The following MAML2 variants were observed in gnomAD, a reference collection of about 807,000 sequenced individuals.
MAML2 encodes mastermind like transcriptional coactivator 2, also known as mastermind-like protein 2.
A neutral mutation model predicts 96.1 loss-of-function variants in MAML2; 22 were observed. That is an observed-to-expected ratio of 0.23 (90% confidence interval 0.16 to 0.33). The LOEUF is 0.33. MAML2 is among the 10% of genes least tolerant of loss of function. The pLI, the probability that MAML2 is intolerant of heterozygous loss-of-function variation, is 1.00. For missense variants in MAML2, 1,367 were observed against 1,392.4 expected, an observed-to-expected ratio of 0.98 and a Z score of 0.29; for synonymous variants, 561 against 521.3, an observed-to-expected ratio of 1.08 and a Z score of -1.04.
chr11:96,040,357 A>T (rs1858788375), intron 2 of MAML2, among the ~76,000 whole-genome samples: 1 of 152,232 alleles, frequency 6.6e-6, no homozygotes, highest in Non-Finnish European at 1.5e-5. Context: ...ATTGCAGTAT[A>T]ATACACACAC....
At chr11:95,991,409 A>T (rs995954567) in intron 3 of MAML2, 111 bp downstream of exon 3, 3 of 988,066 alleles carry the variant, frequency 3.0e-6, no homozygotes, top group African/African-American at 1.6e-5. Context: ...TACAGTCAGC[A>T]CACCTTTGTT....
At chr11:96,018,086 G>A (rs1367246532) in intron 2 of MAML2, among the ~76,000 whole-genome samples, 2 of 152,206 alleles carry the variant, frequency 1.3e-5, no homozygotes, top group Non-Finnish European at 2.9e-5. Context: ...GCAGTGGGAA[G>A]TGGCTGGATT....
Position 96,093,420 on chromosome 11 carries a change from T to C in MAML2, c.611A>G (p.Lys204Arg), listed in dbSNP as rs1458872644. 6.2e-7 allele frequency: 1 copy of C among 1,614,054 alleles called. No individual in the cohort carries two copies. Among genetic ancestry groups the C allele is most frequent in the South Asian group, 1.1e-5 (1 of 91,086 alleles). ...GAGATTCTCCCCAACACGAATTCTTTTGATATCAAGAAATGAGTTGTCCAC... is the reference window on the plus strand; with the variant it reads ...GAGATTCTCCCCAACACGAATTCTTCTGATATCAAGAAATGAGTTGTCCAC... ...GFVDNSFLDIKRIRVGENLSA... is the reference protein window; with the variant it reads ...GFVDNSFLDIRRIRVGENLSA... Residue 204 changes from lysine (K) to arginine (R), a missense_variant, in exon 2 of 5, where the codon AAA becomes AGA. Transcript: ENST00000524717.
rs56860340 is a variant in MAML2 at position 96,155,509 on chromosome 11, A to AATAT, written c.514-61996_514-61993dup. 7.4e-3 allele frequency among the ~76,000 whole-genome samples: 554 copies of AATAT among 74,672 alleles called. 16 individuals are homozygous for AATAT. Among genetic ancestry groups the AATAT allele is most frequent in the African/African-American group, 0.012 (201 of 16,474 alleles). The allele number at this position is 74,672 out of a possible 152,430, so 49.0% of individuals were successfully genotyped here. A position where few individuals can be genotyped will look rare whatever the true frequency, so the allele number is the denominator to read the frequency against. On this transcript the variant is annotated intron_variant, in intron 1 of 4. Transcript: ENST00000524717. The stretch of plus-strand genomic sequence containing the variant: ...ACCTCATGGGCGCTGTAACAATTCA[A>AATAT]ATATATATATATATATATATATATA...
At chr11:96,180,943 C>T (rs1042364635) in intron 1 of MAML2, among the ~76,000 whole-genome samples, 3 of 145,342 alleles carry the variant, frequency 2.1e-5, no homozygotes, top group African/African-American at 7.7e-5. Context: ...GTGGGGGTCA[C>T]AAGGTGCTCA....
At chr11:96,050,929 A>G (rs957144259) in intron 2 of MAML2, among the ~76,000 whole-genome samples, 2 of 152,222 alleles carry the variant, frequency 1.3e-5, no homozygotes, top group Non-Finnish European at 2.9e-5. Flanking sequence ...CTGGCAAGCT[A>G]TAGTTCTGAT....
chr11:96,106,936 T>C (rs1453924503), intron 1 of MAML2, among the ~76,000 whole-genome samples: 1 of 150,272 alleles, frequency 6.7e-6, no homozygotes, highest in African/African-American at 2.4e-5. Context: ...CTTCGCTGCA[T>C]TTGTCAAGAC....
intron 1 of MAML2, among the ~76,000 whole-genome samples, chr11:96,132,888 C>T (rs890364691): frequency 1.3e-5 from 2 of 152,170 alleles, no homozygotes; most frequent in Non-Finnish European, 2.9e-5. Context: ...GCAATGTGAG[C>T]TATTTCTGAA....
At chr11:96,130,311 T>G (rs1860524511) in intron 1 of MAML2, among the ~76,000 whole-genome samples, 1 of 152,224 alleles carries the variant, frequency 6.6e-6, no homozygotes, top group Non-Finnish European at 1.5e-5. Flanking sequence ...ATTTTTCTAG[T>G]GAAATCATAA....
chr11:96,178,676 TAAA>T (rs1252242594), intron 1 of MAML2, among the ~76,000 whole-genome samples: 1 of 152,134 alleles, frequency 6.6e-6, no homozygotes, highest in Non-Finnish European at 1.5e-5. Context: ...GTGGAAAACA[TAAA>T]AACATACGCA....
In MAML2 at chr11:95,985,655, T is replaced by C. The variant is rs761441220; in HGVS notation, c.2344-13A>G. 5.3e-6 allele frequency: 8 copies of C among 1,497,912 alleles called. No homozygotes were observed. In the South Asian group the frequency reaches 8.1e-5, roughly 15 times the overall value. 92.8% of individuals were successfully genotyped at this position (1,497,912 alleles called of 1,614,324 possible). On this transcript the variant is annotated splice_polypyrimidine_tract_variant and intron_variant, in intron 3 of 4. Coordinates refer to ENST00000524717, the MANE Select transcript of MAML2 (RefSeq NM_032427.4). Reference sequence around the variant, plus strand: ...GAGCAATTTTCTCCTTGAGAAATGATATGAAAGCATATTATGTTGCATCAT... The same window carrying C: ...GAGCAATTTTCTCCTTGAGAAATGACATGAAAGCATATTATGTTGCATCAT...
chr11:96,238,789 A>G (rs1765460040), intron 1 of MAML2, among the ~76,000 whole-genome samples: 2 of 152,242 alleles, frequency 1.3e-5, no homozygotes, highest in South Asian at 4.1e-4. Context: ...GTAGAACATT[A>G]TTGAGTCACT....
chr11:96,196,245 C>A (rs1488647365), intron 1 of MAML2, among the ~76,000 whole-genome samples: 1 of 152,102 alleles, frequency 6.6e-6, no homozygotes, highest in South Asian at 2.1e-4. Context: ...TGTTTCCTTG[C>A]AGTGATCAGG....
At chr11:96,053,041 A>C (rs1859011145) in intron 2 of MAML2, among the ~76,000 whole-genome samples, 1 of 152,240 alleles carries the variant, frequency 6.6e-6, no homozygotes, top group Non-Finnish European at 1.5e-5. Context: ...CACTTACTTC[A>C]TCTGGCAAAC....
At chr11:96,240,439 A>C (rs1862418261) in intron 1 of MAML2, among the ~76,000 whole-genome samples, 1 of 150,438 alleles carries the variant, frequency 6.6e-6, no homozygotes, top group African/African-American at 2.4e-5. Context: ...AGTCCCAGCT[A>C]CTCGGGAGGC....
intron 1 of MAML2, among the ~76,000 whole-genome samples, chr11:96,219,453 A>G (rs1426216756): frequency 6.6e-6 from 1 of 152,182 alleles, no homozygotes; most frequent in African/African-American, 2.4e-5. Context: ...TTTGCTTAAT[A>G]TGTTAACCAT....
chr11:96,337,628 C>T (rs943956089), intron 1 of MAML2, among the ~76,000 whole-genome samples: 10 of 152,128 alleles, frequency 6.6e-5, no homozygotes, highest in African/African-American at 1.9e-4. Context: ...CTTAAGTATA[C>T]GGATACGTCA....
intron 1 of MAML2, among the ~76,000 whole-genome samples, chr11:96,134,023 AAAAG>A (rs1860587380): frequency 6.6e-6 from 1 of 152,210 alleles, no homozygotes; most frequent in African/African-American, 2.4e-5. Context: ...GAAAACAGAA[AAAAG>A]AAAGAAAGAA....
At chr11:96,120,118 C>T (rs972759641) in intron 1 of MAML2, among the ~76,000 whole-genome samples, 3 of 152,054 alleles carry the variant, frequency 2.0e-5, no homozygotes, top group Non-Finnish European at 4.4e-5. Flanking sequence ...CCAGCACGCC[C>T]GGCTAATTTT....
Sources: gnomAD v4.1 joint callset for allele counts (sites outside exome capture counted in the v4.1 genomes callset) on GRCh38, gnomAD v4.1.1 for gene constraint, MANE v1.5 for transcripts, NCBI Gene and HGNC (gene_info 2026-07-23, HGNC 2026-07-21) for gene names.